RGL1: variants seen among roughly 807,000 people sequenced by gnomAD.
RGL1 encodes ral guanine nucleotide dissociation stimulator-like 1.
A neutral mutation model predicts 95.2 loss-of-function variants in RGL1; 24 were observed. The observed-to-expected ratio is 0.25, with a 90% confidence interval of 0.18 to 0.35. The LOEUF (loss-of-function observed/expected upper bound fraction) is 0.35, where lower values mean the gene tolerates loss of function less well. Among genes scored for constraint, RGL1 ranks in the 10% least tolerant of loss-of-function variants. RGL1 has a pLI of 1.00. For synonymous variants in RGL1, 329 were observed against 344.9 expected (o/e 0.95, Z 0.51); for missense variants, 715 against 936.3 (o/e 0.76, Z 3.08).
chr1:183,738,460 A>C (rs2491430), intron 1 of RGL1, among the ~76,000 whole-genome samples: 42,541 of 152,120 alleles, frequency 0.28, 6,655 homozygotes, highest in Middle Eastern at 0.37. Flanking sequence ...CAGCAGTTCA[A>C]CTATAAGATG....
intron 15 of RGL1, among the ~76,000 whole-genome samples, chr1:183,913,411 G>A (rs1274535113): frequency 1.3e-5 from 2 of 151,946 alleles, no homozygotes; most frequent in Admixed American, 6.6e-5. Flanking sequence ...GGCCAGGTTG[G>A]TCTCACACCC....
chr1:183,692,295 C>T (rs1367879104), intron 1 of RGL1, among the ~76,000 whole-genome samples: 1 of 152,118 alleles, frequency 6.6e-6, no homozygotes. Flanking sequence ...GGAGGTTGGC[C>T]CTAGTGAACA....
At chr1:183,717,982 C>CA (rs1166742169) in intron 1 of RGL1, among the ~76,000 whole-genome samples, 1 of 152,136 alleles carries the variant, frequency 6.6e-6, no homozygotes, top group African/African-American at 2.4e-5. Flanking sequence ...TGCGGTGGCT[C>CA]ACGCCTGTAA....
intron 2 of RGL1, among the ~76,000 whole-genome samples, chr1:183,821,127 C>T (rs12044263): frequency 0.037 from 5,405 of 145,500 alleles, 285 homozygotes; most frequent in East Asian, 0.27. Flanking sequence ...GAGCGAAACT[C>T]CGTCTAAAAT....
chr1:183,669,827 G>A (rs1652317765), intron 1 of RGL1, among the ~76,000 whole-genome samples: 1 of 152,096 alleles, frequency 6.6e-6, no homozygotes, highest in Non-Finnish European at 1.5e-5. Context: ...CATCTTACAT[G>A]GCAGCAGGCA....
At chr1:183,840,208 A>G (rs1332910709) in intron 2 of RGL1, among the ~76,000 whole-genome samples, 1 of 152,230 alleles carries the variant, frequency 6.6e-6, no homozygotes, top group Non-Finnish European at 1.5e-5. Flanking sequence ...AAGGTAGGTC[A>G]GAGAATTTAT....
At chr1:183,905,784 G>A (rs1187314974) in intron 13 of RGL1, among the ~76,000 whole-genome samples, 1 of 151,982 alleles carries the variant, frequency 6.6e-6, no homozygotes, top group African/African-American at 2.4e-5. Flanking sequence ...CCCACTGCCT[G>A]TTTTTACATT....
At chr1:183,831,841 G>A (rs1663277953) in intron 2 of RGL1, among the ~76,000 whole-genome samples, 1 of 152,162 alleles carries the variant, frequency 6.6e-6, no homozygotes. Context: ...TCTAGTGCGG[G>A]ATACCTATAA....
intron 2 of RGL1, among the ~76,000 whole-genome samples, chr1:183,789,743 A>C (rs920321568): frequency 6.6e-6 from 1 of 152,130 alleles, no homozygotes; most frequent in Non-Finnish European, 1.5e-5. Context: ...ATGCCAGTTT[A>C]AACAAGAAGG....
At chr1:183,812,105 G>T (rs1398287693) in intron 2 of RGL1, among the ~76,000 whole-genome samples, 2 of 152,080 alleles carry the variant, frequency 1.3e-5, no homozygotes, top group African/African-American at 4.8e-5. Flanking sequence ...AGAATTTTTT[G>T]ACTGTCTTAC....
chr1:183,706,886 G>C (rs749033089), intron 1 of RGL1, among the ~76,000 whole-genome samples: 5 of 152,236 alleles, frequency 3.3e-5, no homozygotes, highest in Non-Finnish European at 7.3e-5. Context: ...CAAATACTGG[G>C]GGTGGATTGG....
At chr1:183,900,290 C>A in intron 11 of RGL1, 54 bp downstream of exon 11, 1 of 1,390,372 alleles carries the variant, frequency 7.2e-7, no homozygotes, top group Non-Finnish European at 1.0e-6. Flanking sequence ...ACTGGATACC[C>A]TAAAGAGTAG....
chr1:183,651,600 T>A (rs1002607715), intron 1 of RGL1, among the ~76,000 whole-genome samples: 1 of 152,248 alleles, frequency 6.6e-6, no homozygotes, highest in African/African-American at 2.4e-5. Context: ...TAGTGGCTAA[T>A]ATCCTGCAGT....
chr1:183,913,302 T>TCTC (rs1339481958), intron 15 of RGL1, among the ~76,000 whole-genome samples: 1 of 150,762 alleles, frequency 6.6e-6, no homozygotes, highest in Non-Finnish European at 1.5e-5. Flanking sequence ...TTCAGGGGAT[T>TCTC]CTCCTGCCTC....
chr1:183,815,019 C>G (rs561895004), intron 2 of RGL1, among the ~76,000 whole-genome samples: 1 of 152,150 alleles, frequency 6.6e-6, no homozygotes, highest in Non-Finnish European at 1.5e-5. Context: ...CGCCTGTAAT[C>G]CCAGTACTTT....
chr1:183,722,720 C>T (rs752169678), intron 1 of RGL1, among the ~76,000 whole-genome samples: 5 of 152,136 alleles, frequency 3.3e-5, no homozygotes, highest in Admixed American at 1.3e-4. Context: ...AAATTCTAGA[C>T]CCAGAGAAAA....
At chr1:183,727,379 A>G (rs145686258) in intron 1 of RGL1, among the ~76,000 whole-genome samples, 2 of 152,176 alleles carry the variant, frequency 1.3e-5, no homozygotes, top group African/African-American at 4.8e-5. Flanking sequence ...CCTCAATCTC[A>G]TAAAAGGCTG....
intron 7 of RGL1, among the ~76,000 whole-genome samples, chr1:183,887,362 T>A (rs1173793450): frequency 2.6e-5 from 4 of 151,880 alleles, no homozygotes; most frequent in Non-Finnish European, 5.9e-5. Flanking sequence ...GATTTTGGCA[T>A]GCTAAATTAG....
At chr1:183,794,685 A>G (rs1660607982) in intron 2 of RGL1, among the ~76,000 whole-genome samples, 1 of 152,182 alleles carries the variant, frequency 6.6e-6, no homozygotes, top group African/African-American at 2.4e-5. Context: ...CCAAACAAAT[A>G]TCATCTCTTT....
Sources: allele counts gnomAD v4.1 joint callset (sites outside exome capture counted in the v4.1 genomes callset), GRCh38; gene constraint gnomAD v4.1.1; transcripts MANE v1.5; gene names NCBI Gene and HGNC (gene_info 2026-07-23, HGNC 2026-07-21).